PLXNA4: variants seen among roughly 807,000 people sequenced by gnomAD.
The protein encoded by PLXNA4 is plexin A4.
Under a neutral mutation model 191.8 loss-of-function variants are expected in PLXNA4, and 44 were observed. That is an observed-to-expected ratio of 0.23 (90% CI 0.18 to 0.29). PLXNA4 has a LOEUF of 0.29. Ranked by LOEUF, PLXNA4 falls within the 10% of genes least tolerant of loss-of-function variation. The pLI is 1.00. For missense variants in PLXNA4, 1,800 were observed against 2,488.8 expected (o/e 0.72, Z 5.89); for synonymous variants, 1,082 against 1,009.5 (o/e 1.07, Z -1.36).
At chr7:132,514,188 A>G (rs1227513894) in intron 1 of PLXNA4, among the ~76,000 whole-genome samples, 9 of 151,694 alleles carry the variant, frequency 5.9e-5, no homozygotes, top group Admixed American at 2.6e-4. Context: ...AGTAGCTAGG[A>G]CTACAGGCGC....
At chr7:132,287,187 A>G (rs1182214849) in intron 4 of PLXNA4, among the ~76,000 whole-genome samples, 1 of 152,182 alleles carries the variant, frequency 6.6e-6, no homozygotes, top group Non-Finnish European at 1.5e-5. Flanking sequence ...GGCACGCACA[A>G]TAAGGCCTGG....
intron 3 of PLXNA4, among the ~76,000 whole-genome samples, chr7:132,407,469 CACATGCACACAA>C (rs1794269208): frequency 6.6e-6 from 1 of 152,204 alleles, no homozygotes. Context: ...TGCACACATG[CACATGCACACAA>C]ACATGCACAT....
chr7:132,481,280 A>G (rs1379711745), intron 3 of PLXNA4, among the ~76,000 whole-genome samples: 1 of 152,192 alleles, frequency 6.6e-6, no homozygotes, highest in East Asian at 1.9e-4. Context: ...AGGGAATGAA[A>G]GGAGGGTTCT....
At position 132,297,974 on chromosome 7, in the gene PLXNA4, T is replaced by C. The variant is rs922071080; in HGVS notation, c.1503+117A>G. 7 of 1,349,332 alleles carry C rather than the reference T, an allele frequency of 5.2e-6. No homozygotes were observed. The African/African-American group carries it at 8.7e-5, about 17-fold the overall frequency. 83.6% of individuals were successfully genotyped at this position (1,349,332 alleles called of 1,614,324 possible). ...TGAAAAGTATAACTGAAAAGATACA[T>C]ACTACGCCAAATAAATCAAATCACC... On this transcript the variant is annotated intron_variant, in intron 4 of 31. Coordinates refer to ENST00000321063, the MANE Select transcript of PLXNA4 (RefSeq NM_020911.2).
At chr7:132,603,978 G>T (rs533215691) in intron 2 of PLXNA4, among the ~76,000 whole-genome samples, 1 of 152,160 alleles carries the variant, frequency 6.6e-6, no homozygotes, top group Non-Finnish European at 1.5e-5. Flanking sequence ...GTTTTGCAAG[G>T]TTGTGGTGAG....
chr7:132,421,509 G>A (rs1182605294), intron 3 of PLXNA4, among the ~76,000 whole-genome samples: 1 of 151,912 alleles, frequency 6.6e-6, no homozygotes, highest in Non-Finnish European at 1.5e-5. Flanking sequence ...CAGGGCAACC[G>A]AGTGGGCTTT....
chr7:132,249,214 G>C (rs1799162736), intron 4 of PLXNA4, among the ~76,000 whole-genome samples: 2 of 152,224 alleles, frequency 1.3e-5, no homozygotes, highest in South Asian at 4.1e-4. Flanking sequence ...TCAGATTAGG[G>C]GGATCCAGTC....
At chr7:132,537,508 A>G (rs1799897753) in intron 1 of PLXNA4, among the ~76,000 whole-genome samples, 1 of 152,218 alleles carries the variant, frequency 6.6e-6, no homozygotes, top group African/African-American at 2.4e-5. Context: ...TCCTATTTCA[A>G]AAAAGTTAAG....
At chr7:132,492,516 TTC>T (rs1403917403) in intron 2 of PLXNA4, among the ~76,000 whole-genome samples, 2 of 152,110 alleles carry the variant, frequency 1.3e-5, no homozygotes, top group Non-Finnish European at 2.9e-5. Context: ...GTGGCTTGGC[TTC>T]TCTCTCTCTG....
At chr7:132,468,482 G>A (rs746248137) in intron 3 of PLXNA4, among the ~76,000 whole-genome samples, 3 of 152,152 alleles carry the variant, frequency 2.0e-5, no homozygotes, top group Non-Finnish European at 4.4e-5. Flanking sequence ...AAGAGCTGAG[G>A]TCAGGTGGGG....
chr7:132,232,890 G>A (rs1277508536), intron 5 of PLXNA4, among the ~76,000 whole-genome samples: 4 of 152,242 alleles, frequency 2.6e-5, no homozygotes, highest in Non-Finnish European at 4.4e-5. Flanking sequence ...GGCTATCTGT[G>A]AGTCCAGCCT....
intron 3 of PLXNA4, among the ~76,000 whole-genome samples, chr7:132,458,743 C>T (rs114761051): frequency 3.9e-5 from 6 of 151,936 alleles, no homozygotes; most frequent in Non-Finnish European, 5.9e-5. Flanking sequence ...GAGTTTAGCA[C>T]GTGAAAACTC....
chr7:132,232,822 T>C (rs951799827), intron 5 of PLXNA4, among the ~76,000 whole-genome samples: 2 of 152,072 alleles, frequency 1.3e-5, no homozygotes, highest in East Asian at 1.9e-4. Flanking sequence ...AATACAGCGA[T>C]AGAAATATTA....
intron 3 of PLXNA4, among the ~76,000 whole-genome samples, chr7:132,372,017 G>A (rs1414929156): frequency 6.6e-6 from 1 of 152,164 alleles, no homozygotes; most frequent in African/African-American, 2.4e-5. Flanking sequence ...ATCGCCTCTA[G>A]ATTGACACCT....
At chr7:132,262,377 G>T (rs1399788221) in intron 4 of PLXNA4, among the ~76,000 whole-genome samples, 6 of 152,182 alleles carry the variant, frequency 3.9e-5, no homozygotes, top group South Asian at 2.1e-4. Context: ...ATGGATCGGA[G>T]CCCAGATGCT....
intron 13 of PLXNA4, among the ~76,000 whole-genome samples, chr7:132,195,557 C>T (rs1797229826): frequency 6.6e-6 from 1 of 152,224 alleles, no homozygotes. Context: ...GGACCATGCA[C>T]TTCTATTGAT....
chr7:132,621,069 G>T (rs188521895), intron 2 of PLXNA4, among the ~76,000 whole-genome samples: 10 of 151,874 alleles, frequency 6.6e-5, no homozygotes, highest in Admixed American at 6.6e-4. Context: ...CATCCCAAAG[G>T]CCCTACCAAC....
rs190646415 is a variant in PLXNA4 at position 132,641,374 on chromosome 7, T to C, written c.-87+4554A>G. ...GGCTTGCAAATGACCACCTTCCTGC[T>C]GCATCCTTACATGGCCTTTCCTCTG... On this transcript the variant is annotated intron_variant, in intron 2 of 4. Transcript: ENST00000378539. 4.4e-3 allele frequency among the ~76,000 whole-genome samples: 674 copies of C among 152,352 alleles called. 1 individual carries two copies. The highest frequency in any genetic ancestry group is 6.2e-3 in the Non-Finnish European group (420 of 68,036).
intron 3 of PLXNA4, among the ~76,000 whole-genome samples, chr7:132,336,590 A>G (rs1010164077): frequency 2.0e-5 from 3 of 152,144 alleles, no homozygotes; most frequent in Non-Finnish European, 4.4e-5. Flanking sequence ...TTGAGCATCT[A>G]CTATGTGCTA....
Sources: allele counts gnomAD v4.1 joint callset (sites outside exome capture counted in the v4.1 genomes callset), GRCh38; gene constraint gnomAD v4.1.1; transcripts MANE v1.5; gene names NCBI Gene and HGNC (gene_info 2026-07-23, HGNC 2026-07-21).